Variants in PRKCH observed in about 807,000 individuals in gnomAD.
PRKCH encodes protein kinase C eta, also known as protein kinase C eta type.
Under a neutral mutation model 82.5 loss-of-function variants are expected in PRKCH, and 28 were observed. That is an observed-to-expected ratio of 0.34 (90% confidence interval 0.25 to 0.47). PRKCH has a LOEUF of 0.47. Ranked by LOEUF, PRKCH falls within the 20% of genes least tolerant of loss-of-function variation. The probability of loss-of-function intolerance (pLI) is 1.00; values close to 1 mark genes in which losing one functional copy is unlikely to be tolerated. For synonymous variants in PRKCH, 322 were observed against 327.4 expected (o/e 0.98, Z 0.18); for missense variants, 705 against 881.8 (o/e 0.80, Z 2.54).
chr14:61,521,745 A>C (rs1217933944), intron 10 of PRKCH, among the ~76,000 whole-genome samples: 1 of 151,972 alleles, frequency 6.6e-6, no homozygotes, highest in East Asian at 1.9e-4. Context: ...ATCTTTTTAA[A>C]GCTTACCTGG....
At chr14:61,229,848 C>G (rs756699618) in intron 1 of PRKCH, among the ~76,000 whole-genome samples, 8 of 152,148 alleles carry the variant, frequency 5.3e-5, no homozygotes, top group Non-Finnish European at 1.0e-4. Flanking sequence ...GGTTAACACA[C>G]ATGTGCACAG....
rs75980454 is a variant in PRKCH at position 61,420,732 on chromosome 14, T to C, written c.428-22379T>C. Among the ~76,000 whole-genome samples the C allele has an allele frequency of 0.015, 2,329 of 152,316 alleles. 79 individuals carry two copies. The East Asian group carries it at 0.16, about 10-fold the overall frequency. ...GAGTAAGCACAATTCATTTGATCTATCTGCAGATCTCCAGCCCTTCTAAGA... is the reference window on the plus strand; with the variant it reads ...GAGTAAGCACAATTCATTTGATCTACCTGCAGATCTCCAGCCCTTCTAAGA... On this transcript the variant is annotated intron_variant, in intron 2 of 13. Coordinates refer to ENST00000332981, the MANE Select transcript of PRKCH (RefSeq NM_006255.5).
chr14:61,263,847 TTGTGTGTGTGTGTGTGTGTGTGTGTG>T (rs56280986), intron 1 of PRKCH, among the ~76,000 whole-genome samples: 5 of 144,194 alleles, frequency 3.5e-5, no homozygotes, highest in East Asian at 2.0e-4. Context: ...AGTCAGAGTA[TTGTGTGTGTGTGTGTGTGTGTGTGTG>T]TGTGTGTGTG....
Position 61,419,451 on chromosome 14 carries a change from GCTTCTACCCTCCAGA to G in PRKCH, c.428-23659_428-23645del, listed in dbSNP as rs148162494. ...TGGAAGATGCTTAGCAGCATTCCTG[GCTTCTACCCTCCAGA>G]TGACATAAGTGGCACCCACATTCTC... On this transcript the variant is annotated intron_variant, in intron 2 of 13. Coordinates refer to ENST00000332981, the MANE Select transcript of PRKCH (RefSeq NM_006255.5). Among the ~76,000 whole-genome samples, 741 of 152,290 alleles carry G rather than the reference GCTTCTACCCTCCAGA, an allele frequency of 4.9e-3. 5 individuals carry two copies. Among genetic ancestry groups the G allele is most frequent in the African/African-American group, 0.017 (715 of 41,544 alleles).
At chr14:61,202,002 T>C (rs776821318) in intron 1 of PRKCH, among the ~76,000 whole-genome samples, 5 of 152,212 alleles carry the variant, frequency 3.3e-5, no homozygotes, top group Non-Finnish European at 7.3e-5. Flanking sequence ...ACATTACTTT[T>C]TATAATAAGA....
At chr14:61,202,200 A>G (rs1255955715) in intron 1 of PRKCH, among the ~76,000 whole-genome samples, 3 of 152,160 alleles carry the variant, frequency 2.0e-5, no homozygotes. Flanking sequence ...TTTTGTACCT[A>G]TCTGAATGCT....
chr14:61,322,518 T>A, intron 1 of PRKCH, 54 bp downstream of exon 1: 1 of 1,539,628 alleles, frequency 6.5e-7, no homozygotes, highest in South Asian at 1.2e-5. Flanking sequence ...GTTCCCCTTA[T>A]GTTTTTCAAA....
intron 2 of PRKCH, among the ~76,000 whole-genome samples, chr14:61,433,380 C>A (rs1385353198): frequency 6.6e-6 from 1 of 151,962 alleles, no homozygotes; most frequent in Non-Finnish European, 1.5e-5. Flanking sequence ...AAAAAAAAAT[C>A]AAAAGGGAAA....
intron 1 of PRKCH, among the ~76,000 whole-genome samples, chr14:61,249,202 T>C (rs2044916853): frequency 6.6e-6 from 1 of 152,180 alleles, no homozygotes; most frequent in East Asian, 1.9e-4. Flanking sequence ...GATAAACCAC[T>C]TATAAAACCA....
At chr14:61,504,343 C>T (rs942661919) in intron 10 of PRKCH, among the ~76,000 whole-genome samples, 5 of 152,112 alleles carry the variant, frequency 3.3e-5, no homozygotes, top group African/African-American at 1.2e-4. Context: ...TGCTCACCAC[C>T]ACCCCCGGCT....
intron 1 of PRKCH, among the ~76,000 whole-genome samples, chr14:61,239,773 C>G (rs1223221847): frequency 6.6e-6 from 1 of 152,158 alleles, no homozygotes; most frequent in Admixed American, 6.5e-5. Context: ...AAACACAGGT[C>G]TTAGAGGTGC....
At chr14:61,194,251 A>G (rs899001486) in intron 1 of PRKCH, among the ~76,000 whole-genome samples, 1 of 152,266 alleles carries the variant, frequency 6.6e-6, no homozygotes, top group Non-Finnish European at 1.5e-5. Flanking sequence ...ACAATGAAAG[A>G]AACTTCCAGC....
chr14:61,191,788 T>C (rs1205774165), intron 1 of PRKCH, among the ~76,000 whole-genome samples: 1 of 152,246 alleles, frequency 6.6e-6, no homozygotes, highest in Non-Finnish European at 1.5e-5. Context: ...TGGGAGTTTG[T>C]TGAACTATTG....
At chr14:61,517,719 G>A (rs982948897) in intron 10 of PRKCH, among the ~76,000 whole-genome samples, 2 of 152,168 alleles carry the variant, frequency 1.3e-5, no homozygotes, top group African/African-American at 2.4e-5. Flanking sequence ...ATCTGTCCTT[G>A]CCCATGCTTA....
chr14:61,485,609 A>G lies in PRKCH; in HGVS notation c.1386A>G (p.Glu462=), dbSNP rs888277748. ...DEARARFYAA[E]IISALMFLHD... The stretch of plus-strand genomic sequence containing the variant: ...CACGAGCTCGCTTCTATGCTGCAGA[A>G]ATCATTTCGGCTCTCATGTTCCTCC... Residue 462 remains glutamate, a synonymous_variant, in exon 10 of 14, where the codon GAA becomes GAG. Coordinates refer to ENST00000332981, the MANE Select transcript of PRKCH (RefSeq NM_006255.5). 3.1e-6 allele frequency: 5 copies of G among 1,614,164 alleles called. No individual in the cohort carries two copies. Among genetic ancestry groups the G allele is most frequent in the Non-Finnish European group, 4.2e-6 (5 of 1,179,994 alleles).
intron 1 of PRKCH, among the ~76,000 whole-genome samples, chr14:61,285,707 A>C (rs1013721607): frequency 3.9e-5 from 6 of 152,242 alleles, no homozygotes; most frequent in Admixed American, 2.0e-4. Flanking sequence ...ATGCAAAACT[A>C]AGATTCAAGC....
intron 2 of PRKCH, among the ~76,000 whole-genome samples, chr14:61,419,237 A>T (rs1423563968): frequency 6.6e-6 from 1 of 152,248 alleles, no homozygotes; most frequent in Admixed American, 6.5e-5. Context: ...AAAGAGTATC[A>T]CTTTGTTGAA....
chr14:61,349,858 C>T (rs1432433545), intron 1 of PRKCH, among the ~76,000 whole-genome samples: 1 of 151,944 alleles, frequency 6.6e-6, no homozygotes, highest in African/African-American at 2.4e-5. Context: ...GAGACTCCAT[C>T]TCAGAAAATA....
At chr14:61,288,623 G>A (rs549322862) in intron 1 of PRKCH, among the ~76,000 whole-genome samples, 2 of 152,248 alleles carry the variant, frequency 1.3e-5, no homozygotes, top group Admixed American at 1.3e-4. Context: ...TTTTCTTTCT[G>A]TAGGAAAAGT....
Sources: allele counts gnomAD v4.1 joint callset (sites outside exome capture counted in the v4.1 genomes callset), GRCh38; gene constraint gnomAD v4.1.1; transcripts MANE v1.5; gene names NCBI Gene and HGNC (gene_info 2026-07-23, HGNC 2026-07-21).